Variants in SAMD12 observed in about 807,000 individuals in gnomAD.
SAMD12 encodes the protein sterile alpha motif domain containing 12, also known as sterile alpha motif domain-containing protein 12.
SAMD12 carries 9 observed loss-of-function variants against 15.0 expected under a neutral mutation model. The observed-to-expected ratio is 0.60, with a 90% confidence interval of 0.36 to 1.05. The LOEUF is 1.05. Ranked by LOEUF, SAMD12 falls within the 50% of genes least tolerant of loss-of-function variation. SAMD12 has a pLI of 0.01. For missense variants in SAMD12, 230 were observed against 234.2 expected, an observed-to-expected ratio of 0.98 and a Z score of 0.12; for synonymous variants, 86 against 90.1, an observed-to-expected ratio of 0.96 and a Z score of 0.25.
intron 2 of SAMD12, among the ~76,000 whole-genome samples, chr8:118,484,764 C>A (rs1824230111): frequency 1.3e-5 from 2 of 152,248 alleles, no homozygotes; most frequent in South Asian, 4.1e-4. Context: ...GCTTTGCTCT[C>A]ACAGAAGCAG....
chr8:118,134,007 C>T, the SAMD12 span, among the ~76,000 whole-genome samples: 1 of 152,226 alleles, frequency 6.6e-6, no homozygotes, highest in Non-Finnish European at 1.5e-5. Flanking sequence ...ACTGTTCGAG[C>T]TCTAATGTTA....
intron 2 of SAMD12, among the ~76,000 whole-genome samples, chr8:118,514,753 A>G (rs1302492243): frequency 6.6e-6 from 1 of 152,238 alleles, no homozygotes; most frequent in East Asian, 1.9e-4. Flanking sequence ...TGTGAGAGAA[A>G]AAACTTAACA....
intron 4 of SAMD12, chr8:118,284,207 C>T: frequency 2.2e-6 from 1 of 444,542 alleles, no homozygotes; most frequent in South Asian, 1.6e-5. Flanking sequence ...ATGAAGAAAG[C>T]TCCAGGTTTC....
intron 4 of SAMD12, among the ~76,000 whole-genome samples, chr8:118,359,529 T>C (rs948897236): frequency 2.0e-5 from 3 of 152,214 alleles, no homozygotes; most frequent in African/African-American, 7.2e-5. Context: ...AATGATGAGA[T>C]ACTATATTCC....
intron 4 of SAMD12, among the ~76,000 whole-genome samples, chr8:118,208,867 G>A (rs937699035): frequency 6.6e-6 from 1 of 152,148 alleles, no homozygotes; most frequent in Non-Finnish European, 1.5e-5. Context: ...CACCCATATT[G>A]TAAGTGTACT....
intron 3 of SAMD12, among the ~76,000 whole-genome samples, chr8:118,394,456 C>CT (rs1167510147): frequency 6.6e-6 from 1 of 152,166 alleles, no homozygotes; most frequent in African/African-American, 2.4e-5. Flanking sequence ...AAGGGTGTAT[C>CT]TTTTCATTTA....
the SAMD12 span, among the ~76,000 whole-genome samples, chr8:118,161,390 C>T: frequency 6.6e-6 from 1 of 151,908 alleles, no homozygotes; most frequent in Non-Finnish European, 1.5e-5. Context: ...TTGAGATCAG[C>T]CTGGGCAACA....
chr8:118,528,831 T>C (rs1825604884), intron 2 of SAMD12, among the ~76,000 whole-genome samples: 1 of 152,202 alleles, frequency 6.6e-6, no homozygotes, highest in South Asian at 2.1e-4. Flanking sequence ...CTGCAGACCA[T>C]GGGGTCTCCT....
intron 2 of SAMD12, among the ~76,000 whole-genome samples, chr8:118,535,627 C>T (rs1825817423): frequency 6.6e-6 from 1 of 152,226 alleles, no homozygotes. Context: ...CTTTGTTTAC[C>T]TACTCAAGCC....
chr8:118,255,098 C>G (rs1470475206), intron 4 of SAMD12, among the ~76,000 whole-genome samples: 1 of 151,886 alleles, frequency 6.6e-6, no homozygotes, highest in East Asian at 1.9e-4. Flanking sequence ...TAGCTTAAGC[C>G]GCATCACTGT....
chr8:118,406,890 T>TTGTGTGTGTGTG lies in SAMD12; in HGVS notation c.323-27202_323-27191dup, dbSNP rs3052708. Among the ~76,000 whole-genome samples the TTGTGTGTGTGTG allele has an allele frequency of 5.3e-3, 777 of 147,446 alleles. 7 individuals are homozygous for TTGTGTGTGTGTG. Among genetic ancestry groups the TTGTGTGTGTGTG allele is most frequent in the African/African-American group, 0.013 (527 of 39,660 alleles). On this transcript the variant is annotated intron_variant, in intron 3 of 3. Transcript: ENST00000314727. ...CATTTTAAAGCTTAACAATATTCCA[T>TTGTGTGTGTGTG]TGTGTGTGTGTGTGTGTGTGTGTGT...
At chr8:118,541,022 C>T (rs1012881685) in intron 2 of SAMD12, among the ~76,000 whole-genome samples, 4 of 152,084 alleles carry the variant, frequency 2.6e-5, no homozygotes, top group East Asian at 1.9e-4. Context: ...GGCAGAATTG[C>T]GTAAACCTAG....
Position 118,469,556 on chromosome 8 carries a change from A to AAAATAC in SAMD12, c.193-29596_193-29595insGTATTT, listed in dbSNP as rs1823728852. Among the ~76,000 whole-genome samples the AAAATAC allele has an allele frequency of 7.1e-4, 2 of 2,804 alleles. 1 individual carries two copies. The highest frequency in any genetic ancestry group is 0.022 in the Admixed American group (2 of 92). The allele number at this position is 2,804 out of a possible 152,430, so 1.8% of individuals were successfully genotyped here. On this transcript the variant is annotated intron_variant, in intron 2 of 3. Transcript: ENST00000314727. ...TTATATATATTATATTATTATATAT[A>AAAATAC]ATATATTATATATGTATTTTTTTTG...
intron 4 of SAMD12, among the ~76,000 whole-genome samples, chr8:118,201,426 C>T (rs1819710984): frequency 6.6e-6 from 1 of 152,104 alleles, no homozygotes; most frequent in Non-Finnish European, 1.5e-5. Flanking sequence ...CAACTCTCTC[C>T]TGTGTGCGAG....
intron 2 of SAMD12, among the ~76,000 whole-genome samples, chr8:118,461,794 C>T (rs948695518): frequency 6.6e-6 from 1 of 152,176 alleles, no homozygotes; most frequent in South Asian, 2.1e-4. Flanking sequence ...TATGCAAGCA[C>T]TGAGAAGACT....
intron 4 of SAMD12, among the ~76,000 whole-genome samples, chr8:118,335,610 C>G (rs982253857): frequency 6.6e-6 from 1 of 152,148 alleles, no homozygotes; most frequent in Non-Finnish European, 1.5e-5. Context: ...TTCAGTTGTG[C>G]CATGCTATCT....
chr8:118,214,167 T>C (rs1811902539), intron 4 of SAMD12, among the ~76,000 whole-genome samples: 1 of 152,218 alleles, frequency 6.6e-6, no homozygotes, highest in Non-Finnish European at 1.5e-5. Flanking sequence ...TCATAGGTTA[T>C]TCAGAATGGC....
At chr8:118,267,150 C>T (rs2130091178) in intron 4 of SAMD12, among the ~76,000 whole-genome samples, 1 of 152,032 alleles carries the variant, frequency 6.6e-6, no homozygotes, top group African/African-American at 2.4e-5. Context: ...ATAATGAAGA[C>T]CATAAAACAT....
chr8:118,440,110 C>G, intron 2 of SAMD12, 149 bp from the exon 3 acceptor site: 2 of 674,590 alleles, frequency 3.0e-6, no homozygotes, highest in Non-Finnish European at 4.8e-6. Flanking sequence ...CTCTGTAGAC[C>G]TTCTCAATAC....
Sources: gnomAD v4.1 joint callset for allele counts (sites outside exome capture counted in the v4.1 genomes callset) on GRCh38, gnomAD v4.1.1 for gene constraint, MANE v1.5 for transcripts, NCBI Gene and HGNC (gene_info 2026-07-23, HGNC 2026-07-21) for gene names.